The following CFAP61 variants were observed in gnomAD, a reference collection of about 807,000 sequenced individuals.
CFAP61 encodes cilia- and flagella-associated protein 61.
CFAP61 carries 107 observed loss-of-function variants against 135.6 expected under a neutral mutation model. The observed-to-expected ratio is 0.79, with a 90% CI of 0.67 to 0.93. The LOEUF (loss-of-function observed/expected upper bound fraction) is 0.93. Among genes scored for constraint, CFAP61 ranks in the 40% least tolerant of loss-of-function variants. The probability of loss-of-function intolerance (pLI) is 0.00; values close to 1 mark genes in which losing one functional copy is unlikely to be tolerated. For missense variants in CFAP61, 1,507 were observed against 1,556.2 expected (o/e 0.97, Z 0.53); for synonymous variants, 575 against 578.5 (o/e 0.99, Z 0.09).
chr20:20,221,382 T>C (rs550960870), intron 17 of CFAP61: 4 of 152,308 alleles, frequency 2.6e-5, no homozygotes, highest in Admixed American at 2.6e-4. Flanking sequence ...GCTACTTGTT[T>C]GGGGGCTATT....
chr20:20,119,499 CTCTT>C, intron 8 of CFAP61, among the ~76,000 whole-genome samples: 1 of 152,124 alleles, frequency 6.6e-6, no homozygotes, highest in East Asian at 1.9e-4. Context: ...AGTCTTTTCT[CTCTT>C]TTTCTTAGTC....
chr20:20,085,872 T>C (rs2046764163), intron 6 of CFAP61, among the ~76,000 whole-genome samples: 1 of 152,234 alleles, frequency 6.6e-6, no homozygotes. Flanking sequence ...GCCAATATCA[T>C]CAAGGACTCT....
At chr20:20,068,233 C>T (rs1489102246) in intron 2 of CFAP61, among the ~76,000 whole-genome samples, 2 of 152,218 alleles carry the variant, frequency 1.3e-5, no homozygotes, top group African/African-American at 2.4e-5. Context: ...TCACCACTAT[C>T]GTCAGAGCTG....
In CFAP61 at chr20:20,181,195, G is replaced by T. The variant is rs28736280; in HGVS notation, c.1386-6735G>T. The stretch of plus-strand genomic sequence containing the variant: ...TATACACATATATATGCATATATAT[G>T]TATATATATGTATATATACATATGT... On this transcript the variant is annotated intron_variant, in intron 13 of 26. Coordinates refer to ENST00000245957, the MANE Select transcript of CFAP61 (RefSeq NM_015585.4). Among the ~76,000 whole-genome samples the T allele has an allele frequency of 5.4e-3, 715 of 133,270 alleles. 5 individuals are homozygous for T. The highest frequency in any genetic ancestry group is 0.019 in the African/African-American group (683 of 36,390). The allele number at this position is 133,270 out of a possible 152,430, so 87.4% of individuals were successfully genotyped here.
chr20:20,171,271 C>T (rs1229922943), intron 13 of CFAP61, among the ~76,000 whole-genome samples: 2 of 152,192 alleles, frequency 1.3e-5, no homozygotes, highest in East Asian at 1.9e-4. Flanking sequence ...CTCTGTCCTG[C>T]AGTAGTCCAG....
chr20:20,133,921 G>A (rs1371997515), intron 8 of CFAP61, among the ~76,000 whole-genome samples: 5 of 152,120 alleles, frequency 3.3e-5, no homozygotes, highest in East Asian at 1.9e-4. Context: ...CATGCAACCC[G>A]CCTAGTATCT....
chr20:20,213,308 C>G (rs1476137548), intron 17 of CFAP61, among the ~76,000 whole-genome samples: 1 of 152,174 alleles, frequency 6.6e-6, no homozygotes, highest in Non-Finnish European at 1.5e-5. Flanking sequence ...TCAAGGCAAA[C>G]CCTCCCATTT....
chr20:20,099,132 C>CACACAA (rs554791184), intron 8 of CFAP61, among the ~76,000 whole-genome samples: 1,970 of 150,458 alleles, frequency 0.013, 50 homozygotes, highest in African/African-American at 0.047. Flanking sequence ...AGGTTTCACA[C>CACACAA]ACACACACAC....
intron 12 of CFAP61, among the ~76,000 whole-genome samples, chr20:20,167,942 A>T (rs2053952351): frequency 6.6e-6 from 1 of 152,214 alleles, no homozygotes; most frequent in African/African-American, 2.4e-5. Flanking sequence ...CGTGAAGCTC[A>T]GATAGCCTAG....
chr20:20,313,640 C>T (rs2056952998), intron 25 of CFAP61, among the ~76,000 whole-genome samples: 1 of 152,236 alleles, frequency 6.6e-6, no homozygotes, highest in African/African-American at 2.4e-5. Context: ...GTAGTGTCCT[C>T]ATTCTCACCA....
intron 18 of CFAP61, among the ~76,000 whole-genome samples, chr20:20,230,956 A>T (rs992287308): frequency 3.9e-5 from 6 of 152,208 alleles, no homozygotes; most frequent in African/African-American, 1.2e-4. Flanking sequence ...TTTCTCCAGA[A>T]AATCTGGTAA....
intron 8 of CFAP61, among the ~76,000 whole-genome samples, chr20:20,137,168 C>G (rs373122641): frequency 1.3e-5 from 2 of 152,314 alleles, no homozygotes; most frequent in Admixed American, 6.5e-5. Flanking sequence ...ACAAAGCACC[C>G]TTGTGGCCAC....
At position 20,200,855 on chromosome 20, in the gene CFAP61, G is replaced by A. The variant is rs2056581202; in HGVS notation, c.1932+953G>A. ...TTGTGCGTGCACTGAGGGATGGGGCGTACCTCCATCAGACCAACTCAGAGG... is the reference window on the plus strand; with the variant it reads ...TTGTGCGTGCACTGAGGGATGGGGCATACCTCCATCAGACCAACTCAGAGG... On this transcript the variant is annotated intron_variant, in intron 17 of 26. Coordinates refer to ENST00000245957, the MANE Select transcript of CFAP61 (RefSeq NM_015585.4). The A allele has an allele frequency of 1.7e-5, 17 of 985,250 alleles. No homozygotes were observed. The South Asian group carries it at 6.6e-4, about 38-fold the overall frequency. 61.0% of individuals were successfully genotyped at this position (985,250 alleles called of 1,614,324 possible). A position where few individuals can be genotyped will look rare whatever the true frequency, so the allele number is the denominator to read the frequency against.
intron 20 of CFAP61, chr20:20,259,739 A>G (rs1391827706): frequency 6.6e-6 from 1 of 152,064 alleles, no homozygotes; most frequent in Non-Finnish European, 1.5e-5. Flanking sequence ...ACCACCTCTT[A>G]GGTCTTGAGT....
At chr20:20,355,613 TGA>T (rs530413898) in intron 26 of CFAP61, among the ~76,000 whole-genome samples, 201 of 117,544 alleles carry the variant, frequency 1.7e-3, no homozygotes, top group South Asian at 3.6e-3. Context: ...GGTCACACTG[TGA>T]GAGGGGAGAA....
intron 26 of CFAP61, among the ~76,000 whole-genome samples, chr20:20,344,212 C>G (rs1602112960): frequency 6.6e-6 from 1 of 152,288 alleles, no homozygotes; most frequent in Non-Finnish European, 1.5e-5. Flanking sequence ...AGAACCGTGG[C>G]CAGCCGTCCC....
At chr20:20,102,464 G>A (rs1246053948) in intron 8 of CFAP61, among the ~76,000 whole-genome samples, 1 of 152,170 alleles carries the variant, frequency 6.6e-6, no homozygotes, top group Non-Finnish European at 1.5e-5. Flanking sequence ...ATAGTAATCT[G>A]GGTGATAACA....
intron 25 of CFAP61, among the ~76,000 whole-genome samples, chr20:20,318,110 G>C (rs1189459422): frequency 6.6e-6 from 1 of 152,164 alleles, no homozygotes; most frequent in Non-Finnish European, 1.5e-5. Flanking sequence ...GTCAATCGTT[G>C]CCCTCAGGAC....
intron 13 of CFAP61, chr20:20,172,236 A>G: frequency 1.0e-6 from 1 of 983,780 alleles, no homozygotes; most frequent in African/African-American, 1.7e-5. Context: ...TCTGGGAAAC[A>G]GGACTGGGAA....
Sources: allele counts gnomAD v4.1 joint callset (sites outside exome capture counted in the v4.1 genomes callset), GRCh38; gene constraint gnomAD v4.1.1; transcripts MANE v1.5; gene names NCBI Gene and HGNC (gene_info 2026-07-23, HGNC 2026-07-21).